PRSS55: variants seen among roughly 807,000 people sequenced by gnomAD.
The protein encoded by PRSS55 is probable serine protease UNQ9391/PRO34284.
A neutral mutation model predicts 23.6 loss-of-function variants in PRSS55; 41 were observed. That is an observed-to-expected ratio of 1.74 (90% CI 1.35 to 2.26). The LOEUF (loss-of-function observed/expected upper bound fraction) is 2.26, where lower values mean the gene tolerates loss of function less well. Ranked by LOEUF, PRSS55 falls within the 30% of genes most tolerant of loss-of-function variation. The pLI, the probability that PRSS55 is intolerant of heterozygous loss-of-function variation, is 0.00. For synonymous variants in PRSS55, 262 were observed against 175.5 expected, an observed-to-expected ratio of 1.49 and a Z score of -3.90; for missense variants, 669 against 439.1, an observed-to-expected ratio of 1.52 and a Z score of -4.68.
At chr8:10,532,822 G>C in intron 3 of PRSS55, 84 bp from the exon 4 acceptor site, 1 of 1,560,530 alleles carries the variant, frequency 6.4e-7, no homozygotes, top group Non-Finnish European at 8.7e-7. Flanking sequence ...GGGGGACACA[G>C]GGCCGAGGGC....
intron 4 of PRSS55, among the ~76,000 whole-genome samples, chr8:10,533,954 G>A (rs1812364910): frequency 6.6e-6 from 1 of 152,122 alleles, no homozygotes; most frequent in Non-Finnish European, 1.5e-5. Context: ...AACAGGGGTT[G>A]GAGGCAGAAA....
At chr8:10,525,863 C>A (rs1812003597) in intron 1 of PRSS55, 124 bp downstream of exon 1, 2 of 1,042,026 alleles carry the variant, frequency 1.9e-6, no homozygotes, top group Admixed American at 2.8e-5. Context: ...CTTCTCCAAA[C>A]CACTTGTCCT....
chr8:10,527,814 G>A (rs1812087890), intron 1 of PRSS55, among the ~76,000 whole-genome samples: 1 of 152,238 alleles, frequency 6.6e-6, no homozygotes, highest in Admixed American at 6.5e-5. Context: ...CAATAGGGCA[G>A]TTATGATAAC....
chr8:10,546,485 T>C (rs1812820865), intron 4 of PRSS55, among the ~76,000 whole-genome samples: 1 of 152,170 alleles, frequency 6.6e-6, no homozygotes, highest in Non-Finnish European at 1.5e-5. Flanking sequence ...TGAATGCCTC[T>C]GCAGTAACAA....
At chr8:10,547,403 C>G (rs1334912189) in intron 4 of PRSS55, 2 of 152,516 alleles carry the variant, frequency 1.3e-5, no homozygotes, top group Middle Eastern at 6.8e-3. Context: ...AGAGCTGCTT[C>G]TAGACTTATC....
intron 4 of PRSS55, among the ~76,000 whole-genome samples, chr8:10,546,040 G>T (rs1812809957): frequency 6.6e-6 from 1 of 152,080 alleles, no homozygotes; most frequent in African/African-American, 2.4e-5. Context: ...ATGGGGAGAG[G>T]AAGACAGCCC....
chr8:10,547,691 TCTTTC>T (rs1361430842), intron 4 of PRSS55: 1 of 151,130 alleles, frequency 6.6e-6, no homozygotes, highest in East Asian at 2.0e-4. Context: ...TTCCTCCTTT[TCTTTC>T]CTTCCCTTCC....
At chr8:10,542,808 G>A (rs1303327142), downstream of PRSS55, among the ~76,000 whole-genome samples, 1 of 150,972 alleles carries the variant, frequency 6.6e-6, no homozygotes, top group Non-Finnish European at 1.5e-5. Context: ...GGGAGGCGGA[G>A]GTTGCAGTGA....
At chr8:10,539,645 G>C (rs1389921850), downstream of PRSS55, among the ~76,000 whole-genome samples, 4 of 152,198 alleles carry the variant, frequency 2.6e-5, no homozygotes, top group African/African-American at 2.4e-5. Flanking sequence ...TCTCATGGTA[G>C]TGAGTAAGTC....
At chr8:10,553,830 A>T in intron 4 of PRSS55, 2 of 646,714 alleles carry the variant, frequency 3.1e-6, no homozygotes, top group Non-Finnish European at 5.1e-6. Flanking sequence ...TGGATATGTT[A>T]ATTAGTTTAA....
At chr8:10,546,820 T>G (rs1354234902) in intron 4 of PRSS55, among the ~76,000 whole-genome samples, 1 of 152,120 alleles carries the variant, frequency 6.6e-6, no homozygotes, top group East Asian at 1.9e-4. Flanking sequence ...AGTAGCTGAT[T>G]GCACACAGGA....
At chr8:10,536,702 A>G (rs1362464571) in intron 4 of PRSS55, among the ~76,000 whole-genome samples, 2 of 152,136 alleles carry the variant, frequency 1.3e-5, no homozygotes, top group Non-Finnish European at 2.9e-5. Flanking sequence ...AAACAAAATC[A>G]TATCCTTTGC....
At position 10,534,335 on chromosome 8, in the gene PRSS55, G is replaced by A. The variant is rs181020881; in HGVS notation, c.741+1287G>A. Among the ~76,000 whole-genome samples, 12 of 152,246 alleles carry A rather than the reference G, an allele frequency of 7.9e-5. No homozygotes were observed. The East Asian group carries it at 9.7e-4, about 12-fold the overall frequency. ...TATTTCTTTATAGTGATGCAAGAAC[G>A]CACTACACACATCTTGACCAGAAAA... On this transcript the variant is annotated intron_variant, in intron 4 of 4. Coordinates refer to ENST00000328655, the MANE Select transcript of PRSS55 (RefSeq NM_198464.4).
At chr8:10,550,107 C>T (rs574512674) in intron 4 of PRSS55, among the ~76,000 whole-genome samples, 10 of 152,156 alleles carry the variant, frequency 6.6e-5, no homozygotes, top group African/African-American at 1.4e-4. Flanking sequence ...TTAGTGGAGA[C>T]GGGGTTTCTC....
chr8:10,527,455 G>A (rs1401419060), intron 1 of PRSS55, among the ~76,000 whole-genome samples: 2 of 152,236 alleles, frequency 1.3e-5, no homozygotes, highest in Admixed American at 6.5e-5. Flanking sequence ...TGATAATGTA[G>A]GAGTTGATGT....
intron 4 of PRSS55, among the ~76,000 whole-genome samples, chr8:10,534,050 A>C (rs10097360): frequency 1.3e-5 from 2 of 152,142 alleles, no homozygotes; most frequent in Non-Finnish European, 2.9e-5. Flanking sequence ...CCATGTGGTG[A>C]ATACTGTGGG....
chr8:10,529,697 G>C lies in PRSS55; in HGVS notation c.345G>C (p.Leu115=), dbSNP rs75926785. The change falls in exon 2 of 5, where the codon CTG becomes CTC. Residue 115 remains leucine (L), a splice_region_variant and synonymous_variant. Coordinates refer to ENST00000328655, the MANE Select transcript of PRSS55 (RefSeq NM_198464.4). The part of the protein sequence containing the change: ...TAAHCLYSEE[L]FPEELSVVLG... The stretch of plus-strand genomic sequence containing the variant: ...CTCACTGCTTATATTCCGAGGAGCT[G>C]TTGTAAGTACCATGGGCCTCCCACT... 6.9e-3 allele frequency: 11,165 copies of C among 1,611,752 alleles called. 302 individuals are homozygous for C. In the African/African-American group the frequency reaches 0.074, roughly 11 times the overall value.
intron 2 of PRSS55, 64 bp from the exon 3 acceptor site, chr8:10,531,231 A>G: frequency 6.3e-7 from 1 of 1,593,406 alleles, no homozygotes; most frequent in Non-Finnish European, 8.6e-7. Flanking sequence ...GGCACAGCCA[A>G]TTCTGCCGCT....
At position 10,529,511 on chromosome 8, in the gene PRSS55, T is replaced by C. The variant is rs756865162; in HGVS notation, c.159T>C (p.Cys53=). 1.5e-5 allele frequency: 25 copies of C among 1,613,954 alleles called. No individual in the cohort carries two copies. Among genetic ancestry groups the C allele is most frequent in the East Asian group, 2.2e-5 (1 of 44,896 alleles). The change falls in exon 2 of 5, where the codon TGT becomes TGC. Residue 53 remains cysteine (C), a synonymous_variant. Transcript: ENST00000328655. The stretch of plus-strand genomic sequence containing the variant: ...CACTCTCTTTCTTTCCACCAGAATG[T>C]GGTGACAGATCTATTTTCGAGGGAA... The part of the protein sequence containing the change: ...PPHPPSPVSE[C]GDRSIFEGRT...
Sources: gnomAD v4.1 joint callset for allele counts (sites outside exome capture counted in the v4.1 genomes callset) on GRCh38, gnomAD v4.1.1 for gene constraint, MANE v1.5 for transcripts, NCBI Gene and HGNC (gene_info 2026-07-23, HGNC 2026-07-21) for gene names.